CAMK1D: variants seen among roughly 807,000 people sequenced by gnomAD.
The protein encoded by CAMK1D is calcium/calmodulin-dependent protein kinase type 1D.
Under a neutral mutation model 47.7 loss-of-function variants are expected in CAMK1D, and 9 were observed. The ratio of observed to expected loss-of-function variants is 0.19; its 90% CI spans 0.11 to 0.33. The LOEUF is 0.33. Ranked by LOEUF, CAMK1D falls within the 10% of genes least tolerant of loss-of-function variation. The pLI, the probability that CAMK1D is intolerant of heterozygous loss-of-function variation, is 1.00. For missense variants in CAMK1D, 291 were observed against 488.7 expected (o/e 0.60, Z 3.81); for synonymous variants, 184 against 184.9 (o/e 0.99, Z 0.04).
intron 1 of CAMK1D, among the ~76,000 whole-genome samples, chr10:12,402,071 T>C (rs1839246349): frequency 6.6e-6 from 1 of 151,650 alleles, no homozygotes; most frequent in South Asian, 2.1e-4. Context: ...AATTTTTGTA[T>C]ATATATATAT....
intron 1 of CAMK1D, among the ~76,000 whole-genome samples, chr10:12,392,434 T>G (rs1838770417): frequency 6.6e-6 from 1 of 152,148 alleles, no homozygotes; most frequent in Admixed American, 6.5e-5. Flanking sequence ...CTCTAAGGAC[T>G]TCCCATAAGT....
chr10:12,563,271 C>G (rs1303392607), intron 2 of CAMK1D, among the ~76,000 whole-genome samples: 2 of 152,160 alleles, frequency 1.3e-5, no homozygotes, highest in Non-Finnish European at 2.9e-5. Context: ...GGGAAGATCA[C>G]TTGAGTCCAG....
chr10:12,506,522 C>CTT (rs113048014), intron 1 of CAMK1D, among the ~76,000 whole-genome samples: 1 of 149,424 alleles, frequency 6.7e-6, no homozygotes, highest in East Asian at 2.0e-4. Flanking sequence ...TTCTCTCTTT[C>CTT]TTTTTTTTTT....
chr10:12,375,602 G>A (rs1009907313), intron 1 of CAMK1D, among the ~76,000 whole-genome samples: 1 of 152,158 alleles, frequency 6.6e-6, no homozygotes, highest in Non-Finnish European at 1.5e-5. Flanking sequence ...CCCAGTAATG[G>A]CCCAAAGCTG....
At chr10:12,465,861 G>A (rs1201446121) in intron 1 of CAMK1D, among the ~76,000 whole-genome samples, 2 of 152,164 alleles carry the variant, frequency 1.3e-5, no homozygotes, top group African/African-American at 2.4e-5. Context: ...CACCTAACTT[G>A]AGACCCATAC....
chr10:12,689,668 C>G (rs1169940948), intron 3 of CAMK1D, among the ~76,000 whole-genome samples: 1 of 151,632 alleles, frequency 6.6e-6, no homozygotes, highest in Non-Finnish European at 1.5e-5. Flanking sequence ...CCCAGCTACT[C>G]GGGAGGCTAA....
intron 3 of CAMK1D, among the ~76,000 whole-genome samples, chr10:12,711,180 G>T (rs1032279924): frequency 1.3e-5 from 2 of 152,256 alleles, no homozygotes; most frequent in Middle Eastern, 3.4e-3. Context: ...AGAGAAAACC[G>T]CCTGTTTCAG....
intron 5 of CAMK1D, among the ~76,000 whole-genome samples, chr10:12,789,686 G>A (rs1837892467): frequency 6.6e-6 from 1 of 152,294 alleles, no homozygotes; most frequent in South Asian, 2.1e-4. Flanking sequence ...TCATACCTCT[G>A]TGTCCTCCCC....
intron 1 of CAMK1D, among the ~76,000 whole-genome samples, chr10:12,387,569 C>T (rs1213052285): frequency 6.9e-6 from 1 of 145,940 alleles, no homozygotes; most frequent in African/African-American, 2.5e-5. Flanking sequence ...TGCAGTGGTG[C>T]AATCTCGGCT....
chr10:12,376,978 C>G (rs1838202991), intron 1 of CAMK1D, among the ~76,000 whole-genome samples: 1 of 152,108 alleles, frequency 6.6e-6, no homozygotes, highest in South Asian at 2.1e-4. Flanking sequence ...CCAGGCTGGT[C>G]ACAAATTCCT....
chr10:12,553,380 C>T (rs757633702), intron 2 of CAMK1D, 24 bp downstream of exon 2: 27 of 1,563,264 alleles, frequency 1.7e-5, no homozygotes, highest in Admixed American at 1.2e-4. Flanking sequence ...GGCAACCCTC[C>T]TCCCTTCCCT....
chr10:12,771,141 G>A (rs1837019713), intron 5 of CAMK1D, among the ~76,000 whole-genome samples: 1 of 152,168 alleles, frequency 6.6e-6, no homozygotes, highest in Admixed American at 6.5e-5. Flanking sequence ...TGTTGGCCAG[G>A]CTGGTCTCAA....
chr10:12,572,472 C>T (rs139836366), intron 2 of CAMK1D, among the ~76,000 whole-genome samples: 47 of 151,946 alleles, frequency 3.1e-4, no homozygotes, highest in African/African-American at 1.0e-3. Flanking sequence ...AGGATTGAGG[C>T]GGAATGTTGG....
intron 2 of CAMK1D, among the ~76,000 whole-genome samples, chr10:12,617,334 G>A (rs951409347): frequency 1.3e-5 from 2 of 152,288 alleles, no homozygotes; most frequent in Non-Finnish European, 2.9e-5. Flanking sequence ...TAAGCAAAAA[G>A]AGGAAGAACA....
intron 3 of CAMK1D, among the ~76,000 whole-genome samples, chr10:12,735,215 G>A (rs898383565): frequency 2.6e-5 from 4 of 152,196 alleles, no homozygotes; most frequent in Admixed American, 2.0e-4. Flanking sequence ...GGTGGCTCAC[G>A]CCTGTAGTCC....
chr10:12,483,626 A>G (rs1180923000), intron 1 of CAMK1D, among the ~76,000 whole-genome samples: 1 of 152,064 alleles, frequency 6.6e-6, no homozygotes, highest in East Asian at 1.9e-4. Context: ...GGCCTCCCAA[A>G]GCAGTGGGAT....
chr10:12,595,918 C>G (rs1838135122), intron 2 of CAMK1D, among the ~76,000 whole-genome samples: 1 of 152,136 alleles, frequency 6.6e-6, no homozygotes, highest in Admixed American at 6.6e-5. Flanking sequence ...TGAGTAGCAG[C>G]TTCTGCCTTC....
At chr10:12,675,736 TCAAAGA>T (rs1435817162) in intron 3 of CAMK1D, among the ~76,000 whole-genome samples, 1 of 152,152 alleles carries the variant, frequency 6.6e-6, no homozygotes, top group East Asian at 1.9e-4. Flanking sequence ...CATCTTCGAG[TCAAAGA>T]CAAAGTCATT....
At chr10:12,600,416 C>T (rs1183492361) in intron 2 of CAMK1D, among the ~76,000 whole-genome samples, 1 of 152,170 alleles carries the variant, frequency 6.6e-6, no homozygotes, top group Non-Finnish European at 1.5e-5. Flanking sequence ...TACTCGGTAA[C>T]CTACTCACGC....
Sources: allele counts gnomAD v4.1 joint callset (sites outside exome capture counted in the v4.1 genomes callset), GRCh38; gene constraint gnomAD v4.1.1; transcripts MANE v1.5; gene names NCBI Gene and HGNC (gene_info 2026-07-23, HGNC 2026-07-21).